Variants in CHL1 observed in about 807,000 individuals in gnomAD.
The protein encoded by CHL1 is neural cell adhesion molecule L1-like protein.
In CHL1, 96 loss-of-function variants were observed where a neutral mutation model predicts 141.9. The observed-to-expected ratio is 0.68, with a 90% CI of 0.57 to 0.80. CHL1 has a LOEUF of 0.80. Ranked by LOEUF, CHL1 falls within the 30% of genes least tolerant of loss-of-function variation. The probability of loss-of-function intolerance (pLI) is 0.00; values close to 1 mark genes in which losing one functional copy is unlikely to be tolerated. For missense variants in CHL1, 1,820 were observed against 1,457.2 expected, an observed-to-expected ratio of 1.25 and a Z score of -4.05; for synonymous variants, 613 against 502.2, an observed-to-expected ratio of 1.22 and a Z score of -2.95.
At chr3:238,770 C>CAAA (rs145162673) in intron 1 of CHL1, among the ~76,000 whole-genome samples, 20 of 145,462 alleles carry the variant, frequency 1.4e-4, no homozygotes, top group Non-Finnish European at 2.2e-4. Flanking sequence ...ACTAAAAATA[C>CAAA]AAAAAAAAAA....
intron 22 of CHL1, 40 bp downstream of exon 22, chr3:391,199 GT>G (rs1708201131): frequency 1.4e-6 from 2 of 1,448,010 alleles, no homozygotes; most frequent in Non-Finnish European, 1.9e-6. Flanking sequence ...AAAAATGGAG[GT>G]GATCCATGGC....
intron 23 of CHL1, among the ~76,000 whole-genome samples, 187 bp from the exon 24 acceptor site, chr3:394,506 C>T (rs985827861): frequency 6.6e-6 from 1 of 152,000 alleles, no homozygotes; most frequent in Non-Finnish European, 1.5e-5. Context: ...TCTTGCGAGA[C>T]CTCAGTTTTG....
intron 21 of CHL1, 50 bp from the exon 22 acceptor site, chr3:390,905 G>A: frequency 6.4e-7 from 1 of 1,551,886 alleles, no homozygotes. Flanking sequence ...AAGTCAAAGA[G>A]AATCTGCGAC....
At chr3:270,207 A>G (rs1260335494) in intron 2 of CHL1, among the ~76,000 whole-genome samples, 1 of 151,248 alleles carries the variant, frequency 6.6e-6, no homozygotes, top group African/African-American at 2.4e-5. Context: ...AATCAAATGC[A>G]TAAAGGCATG....
rs1160919285 is a variant in CHL1 at position 408,863 on chromosome 3, T to C, written c.*3152T>C. On this transcript the variant is annotated 3_prime_UTR_variant, in exon 28 of 28. Coordinates refer to ENST00000256509, the MANE Select transcript of CHL1 (RefSeq NM_006614.4). ...GGTATAAAGGCATTGATATTTTAGA[T>C]GCACCCGTGTTTGTAAAAATGTAGA... is the stretch of plus-strand genomic sequence containing the variant. The C allele has an allele frequency of 6.6e-6, 1 of 152,076 alleles. No homozygotes were observed. The highest frequency in any genetic ancestry group is 2.4e-5 in the African/African-American group (1 of 41,430). 9.4% of individuals were successfully genotyped at this position (152,076 alleles called of 1,614,324 possible). A position where few individuals can be genotyped will look rare whatever the true frequency, so the allele number is the denominator to read the frequency against.
At chr3:231,385 A>G (rs990393484) in intron 1 of CHL1, among the ~76,000 whole-genome samples, 1 of 152,116 alleles carries the variant, frequency 6.6e-6, no homozygotes, top group Non-Finnish European at 1.5e-5. Flanking sequence ...AACAGAGTAG[A>G]TAATTGCATA....
rs536462451 is a variant in CHL1 at position 223,323 on chromosome 3, A to G, written c.-174-21290A>G. On this transcript the variant is annotated intron_variant, in intron 1 of 27. Transcript: ENST00000256509. The stretch of plus-strand genomic sequence containing the variant: ...AATACAAATTTGCACTATGAAGTTA[A>G]TATTAGAAGATAAACATCCTCTAAA... Among the ~76,000 whole-genome samples, 56 of 152,332 alleles carry G rather than the reference A, an allele frequency of 3.7e-4. 1 individual carries two copies. The highest frequency in any genetic ancestry group is 1.3e-3 in the African/African-American group (55 of 41,582).
chr3:300,003 C>A (rs1231086893), intron 2 of CHL1, among the ~76,000 whole-genome samples: 1 of 152,120 alleles, frequency 6.6e-6, no homozygotes, highest in Non-Finnish European at 1.5e-5. Context: ...ATGAAAGGAT[C>A]AGTATTGGGT....
At chr3:224,608 C>A (rs1181983343) in intron 1 of CHL1, among the ~76,000 whole-genome samples, 1 of 152,102 alleles carries the variant, frequency 6.6e-6, no homozygotes, top group Non-Finnish European at 1.5e-5. Flanking sequence ...CGAGTAAAAA[C>A]TCCCTAATGC....
At chr3:229,694 G>A (rs1427603055) in intron 1 of CHL1, among the ~76,000 whole-genome samples, 1 of 151,902 alleles carries the variant, frequency 6.6e-6, no homozygotes, top group Non-Finnish European at 1.5e-5. Context: ...ATTATGAAAT[G>A]CCTATTGAGG....
intron 4 of CHL1, among the ~76,000 whole-genome samples, chr3:326,509 T>G (rs1330212283): frequency 3.9e-5 from 6 of 151,988 alleles, no homozygotes; most frequent in Non-Finnish European, 5.9e-5. Context: ...TGATTTTTTT[T>G]AAGTTGTCAT....
chr3:347,545 T>G (rs1175418172), intron 9 of CHL1, among the ~76,000 whole-genome samples: 1 of 140,840 alleles, frequency 7.1e-6, no homozygotes, highest in African/African-American at 2.4e-5. Context: ...TATTAGAAAA[T>G]TAGACTAGTT....
chr3:256,065 A>G (rs927330317), intron 2 of CHL1, among the ~76,000 whole-genome samples: 4 of 140,404 alleles, frequency 2.8e-5, no homozygotes, highest in African/African-American at 7.8e-5. Context: ...GCATCTATCA[A>G]TAATGCCTTT....
chr3:217,318 C>A (rs115328619), intron 1 of CHL1, among the ~76,000 whole-genome samples: 2,402 of 152,136 alleles, frequency 0.016, 32 homozygotes, highest in Middle Eastern at 0.027. Context: ...GCCATTGGTT[C>A]ATTTATTCAT....
Position 208,632 on chromosome 3 carries a change from G to A in CHL1, c.-175+11569G>A, listed in dbSNP as rs7621743. Among the ~76,000 whole-genome samples, 1,215 of 152,218 alleles carry A rather than the reference G, an allele frequency of 8.0e-3. 13 individuals are homozygous for A. Among genetic ancestry groups the A allele is most frequent in the African/African-American group, 0.028 (1,170 of 41,508 alleles). ...CTTTGAAGATTGCATTCCAGTATCC[G>A]TTTTGGTTATTTGAATATGGTACCA... is the stretch of plus-strand genomic sequence containing the variant. On this transcript the variant is annotated intron_variant, in intron 1 of 27. Coordinates refer to ENST00000256509, the MANE Select transcript of CHL1 (RefSeq NM_006614.4).
chr3:331,942 A>G (rs561716366), intron 5 of CHL1, among the ~76,000 whole-genome samples: 6 of 152,216 alleles, frequency 3.9e-5, no homozygotes, highest in African/African-American at 7.2e-5. Context: ...TTTAGATTGC[A>G]ATATACATCC....
At chr3:299,784 T>C (rs1368608578) in intron 2 of CHL1, among the ~76,000 whole-genome samples, 6 of 152,220 alleles carry the variant, frequency 3.9e-5, no homozygotes, top group African/African-American at 1.4e-4. Flanking sequence ...AGGAGGACAA[T>C]TAGTCATCAT....
intron 1 of CHL1, chr3:213,248 T>C (rs1487272348): frequency 1.3e-5 from 2 of 152,260 alleles, no homozygotes; most frequent in African/African-American, 2.4e-5. Context: ...ATTCCCATGA[T>C]GCGTTCACCT....
rs904390567 is a variant in CHL1 at position 326,120 on chromosome 3, C to T, written c.197+56C>T. The T allele has an allele frequency of 6.0e-6, 6 of 993,640 alleles. No homozygotes were observed. In the African/African-American group the frequency reaches 9.8e-5, roughly 16 times the overall value. 61.6% of individuals were successfully genotyped at this position (993,640 alleles called of 1,614,324 possible). On this transcript the variant is annotated intron_variant, in intron 4 of 27. Transcript: ENST00000256509. ...TAAATGCGTGCTGTTCTTTATGCTG[C>T]TCTTTACTCTTACCATCACAAGCCT...
Sources: gnomAD v4.1 joint callset for allele counts (sites outside exome capture counted in the v4.1 genomes callset) on GRCh38, gnomAD v4.1.1 for gene constraint, MANE v1.5 for transcripts, NCBI Gene and HGNC (gene_info 2026-07-23, HGNC 2026-07-21) for gene names.